OCA2: variants seen among roughly 807,000 people sequenced by gnomAD.
OCA2 encodes the protein P protein.
Under a neutral mutation model 100.2 loss-of-function variants are expected in OCA2, and 77 were observed. The observed-to-expected ratio is 0.77, with a 90% confidence interval of 0.64 to 0.93. The LOEUF is 0.93. Ranked by LOEUF, OCA2 falls within the 40% of genes least tolerant of loss-of-function variation. The pLI is 0.00. For synonymous variants in OCA2, 432 were observed against 439.2 expected, an observed-to-expected ratio of 0.98 and a Z score of 0.21; for missense variants, 1,062 against 1,089.1, an observed-to-expected ratio of 0.98 and a Z score of 0.35.
chr15:27,791,781 C>A (rs1225027178), intron 23 of OCA2, among the ~76,000 whole-genome samples: 2 of 152,204 alleles, frequency 1.3e-5, no homozygotes, highest in East Asian at 3.9e-4. Flanking sequence ...ACGTACTAGA[C>A]ACACTACGGG....
Position 28,032,131 on chromosome 15 carries a change from G to C in OCA2, c.260C>G (p.Ser87Cys). 1 of 1,614,040 alleles carries C rather than the reference G, an allele frequency of 6.2e-7. No individual in the cohort carries two copies. The highest frequency in any genetic ancestry group is 8.5e-7 in the Non-Finnish European group (1 of 1,179,920). Residue 87 changes from serine to cysteine, a missense_variant, in exon 3 of 24, where the codon TCC becomes TGC. By Grantham distance (112) the Ser-to-Cys change is moderately radical (BLOSUM62 -1). Coordinates refer to ENST00000354638, the MANE Select transcript of OCA2 (RefSeq NM_000275.3). ...TGTAAAGCAGGAATCTTTAGACCTG[G>C]AGCTGGACATCTGGGGCAAAGAAGA... Reference protein sequence around the residue: ...SHSSLPQMSSSRSKDSCFTEN... With the variant: ...SHSSLPQMSSCRSKDSCFTEN...
chr15:27,995,626 G>C (rs935464438), intron 9 of OCA2, among the ~76,000 whole-genome samples: 2 of 151,598 alleles, frequency 1.3e-5, no homozygotes, highest in African/African-American at 4.8e-5. Flanking sequence ...CTGGTCTCAA[G>C]TGATCCTCCT....
chr15:27,982,181 ACT>A (rs902787693), intron 14 of OCA2, among the ~76,000 whole-genome samples: 1 of 151,804 alleles, frequency 6.6e-6, no homozygotes, highest in African/African-American at 2.4e-5. Context: ...ACATACAAAC[ACT>A]CTAGGATGCT....
chr15:27,938,633 T>C (rs1441277968), intron 18 of OCA2, among the ~76,000 whole-genome samples: 1 of 152,158 alleles, frequency 6.6e-6, no homozygotes, highest in Admixed American at 6.5e-5. Flanking sequence ...TATGAAGACC[T>C]CTAATGAGAA....
At chr15:28,058,306 C>G (rs761065832) in intron 2 of OCA2, among the ~76,000 whole-genome samples, 1 of 152,236 alleles carries the variant, frequency 6.6e-6, no homozygotes, top group African/African-American at 2.4e-5. Flanking sequence ...GCTGCTGCCA[C>G]CCTTGCCTCT....
chr15:27,910,313 C>T (rs1041693057), intron 19 of OCA2, among the ~76,000 whole-genome samples: 2 of 152,176 alleles, frequency 1.3e-5, no homozygotes, highest in African/African-American at 4.8e-5. Flanking sequence ...ATGCACTTAC[C>T]TTTGACTCTG....
At chr15:27,943,659 TA>T (rs1194271149) in intron 18 of OCA2, among the ~76,000 whole-genome samples, 4 of 143,310 alleles carry the variant, frequency 2.8e-5, no homozygotes, top group African/African-American at 1.0e-4. Context: ...CCCTAAAACT[TA>T]AAGTATAATT....
chr15:27,732,386 C>T, the OCA2 span, among the ~76,000 whole-genome samples: 1 of 152,188 alleles, frequency 6.6e-6, no homozygotes, highest in Non-Finnish European at 1.5e-5. Flanking sequence ...GTTGAGAAGG[C>T]ACCATCTAAG....
At chr15:28,005,917 GC>G (rs1241661842) in intron 9 of OCA2, among the ~76,000 whole-genome samples, 1 of 152,174 alleles carries the variant, frequency 6.6e-6, no homozygotes, top group Non-Finnish European at 1.5e-5. Flanking sequence ...ACCTTGCACA[GC>G]CTTCTGGGCA....
the OCA2 span, among the ~76,000 whole-genome samples, chr15:27,737,125 G>C: frequency 3.3e-5 from 5 of 152,142 alleles, no homozygotes; most frequent in African/African-American, 1.2e-4. Context: ...CAAGTTATTA[G>C]GAATAAATCT....
At chr15:27,853,805 A>G (rs1331097609) in intron 21 of OCA2, among the ~76,000 whole-genome samples, 2 of 152,130 alleles carry the variant, frequency 1.3e-5, no homozygotes, top group Non-Finnish European at 2.9e-5. Flanking sequence ...CACTCTAAAG[A>G]GCAGCAGGAG....
intron 9 of OCA2, among the ~76,000 whole-genome samples, chr15:27,997,380 T>C (rs901919125): frequency 6.6e-6 from 1 of 151,626 alleles, no homozygotes; most frequent in Non-Finnish European, 1.5e-5. Flanking sequence ...GGATCCAGTT[T>C]CGGCTTTCTA....
chr15:27,848,325 G>C (rs1213654241), intron 22 of OCA2, among the ~76,000 whole-genome samples: 1 of 152,212 alleles, frequency 6.6e-6, no homozygotes, highest in Non-Finnish European at 1.5e-5. Flanking sequence ...GGTGGTTGTG[G>C]GGTTCACATG....
chr15:27,769,360 G>A (rs1308369670), intron 23 of OCA2, among the ~76,000 whole-genome samples: 2 of 152,214 alleles, frequency 1.3e-5, no homozygotes, highest in East Asian at 1.9e-4. Context: ...AGTTCTCTAA[G>A]GAACCAAGGC....
intron 1 of OCA2, among the ~76,000 whole-genome samples, chr15:28,097,811 T>C (rs2045013533): frequency 6.6e-6 from 1 of 152,200 alleles, no homozygotes; most frequent in African/African-American, 2.4e-5. Flanking sequence ...AGTGCTTCCC[T>C]GCCCCGGCCT....
intron 22 of OCA2, among the ~76,000 whole-genome samples, chr15:27,849,540 T>A (rs199609817): frequency 3.4e-5 from 5 of 148,844 alleles, no homozygotes; most frequent in South Asian, 4.2e-4. Context: ...TCAGACCAGT[T>A]AAAAAAAAAA....
At chr15:27,765,300 A>G (rs539363788) in intron 23 of OCA2, among the ~76,000 whole-genome samples, 7 of 152,268 alleles carry the variant, frequency 4.6e-5, no homozygotes, top group African/African-American at 1.2e-4. Context: ...CTGGGCCTTG[A>G]AGCATGACAA....
At chr15:27,912,799 C>T (rs1032532989) in intron 19 of OCA2, among the ~76,000 whole-genome samples, 2 of 152,148 alleles carry the variant, frequency 1.3e-5, no homozygotes, top group Admixed American at 1.3e-4. Flanking sequence ...TATTTCCCCA[C>T]AAGATAATTT....
At chr15:27,917,776 C>T (rs1012051593) in intron 19 of OCA2, among the ~76,000 whole-genome samples, 1 of 152,080 alleles carries the variant, frequency 6.6e-6, no homozygotes, top group African/African-American at 2.4e-5. Context: ...TAAAATGGCT[C>T]CTAATAGGGC....
Sources: allele counts gnomAD v4.1 joint callset (sites outside exome capture counted in the v4.1 genomes callset), GRCh38; gene constraint gnomAD v4.1.1; transcripts MANE v1.5; gene names NCBI Gene and HGNC (gene_info 2026-07-23, HGNC 2026-07-21).